C11orf65: variants seen among roughly 807,000 people sequenced by gnomAD.
C11orf65 encodes chromosome 11 open reading frame 65.
A neutral mutation model predicts 35.3 loss-of-function variants in C11orf65; 38 were observed. That is an observed-to-expected ratio of 1.08 (90% CI 0.83 to 1.41). C11orf65 has a LOEUF of 1.41. Ranked by LOEUF, C11orf65 falls within the 40% of genes most tolerant of loss-of-function variation. C11orf65 has a pLI of 0.00. For synonymous variants in C11orf65, 105 were observed against 114.4 expected (o/e 0.92, Z 0.53); for missense variants, 370 against 367.1 (o/e 1.01, Z -0.06).
chr11:108,436,957 C>T (rs2093068425), intron 2 of C11orf65, among the ~76,000 whole-genome samples: 1 of 152,012 alleles, frequency 6.6e-6, no homozygotes, highest in South Asian at 2.1e-4. Flanking sequence ...CACAGGAGGT[C>T]TGGCATCTAA....
rs1308894113 is a variant in C11orf65, at chr11:108,365,409, T to G, written c.226+27799A>C. The stretch of plus-strand genomic sequence containing the variant: ...AACTGAAAGGAGTGGAAGAAGGCAC[T>G]GTGCTCAGTGTTGGTGGACAAGTGA... On this transcript the variant is annotated intron_variant, in intron 2 of 3. Transcript: ENST00000524755. 1 of 1,614,110 alleles carries G rather than the reference T, an allele frequency of 6.2e-7. No individual in the cohort carries two copies. Among genetic ancestry groups the G allele is most frequent in the East Asian group, 2.2e-5 (1 of 44,898 alleles).
chr11:108,366,529 T>A (rs1026443335), intron 2 of C11orf65: 5 of 228,426 alleles, frequency 2.2e-5, no homozygotes, highest in African/African-American at 4.4e-5. Flanking sequence ...GTTCATCCAG[T>A]TTTGTCTTTT....
intron 2 of C11orf65, among the ~76,000 whole-genome samples, chr11:108,451,262 C>T (rs186806571): frequency 6.6e-6 from 1 of 151,962 alleles, no homozygotes; most frequent in Non-Finnish European, 1.5e-5. Flanking sequence ...AAAACCCCAT[C>T]ATCTCAGCCC....
At chr11:108,381,853 T>C (rs188868000), downstream of C11orf65, among the ~76,000 whole-genome samples, 6 of 152,204 alleles carry the variant, frequency 3.9e-5, no homozygotes, top group Non-Finnish European at 8.8e-5. Flanking sequence ...ACTTGATGCA[T>C]TTCTAATTAA....
intron 3 of C11orf65, among the ~76,000 whole-genome samples, chr11:108,409,753 T>C (rs2092621986): frequency 2.0e-5 from 3 of 152,124 alleles, no homozygotes. Flanking sequence ...TCCTGTCAGA[T>C]CAGCAGCAAC....
chr11:108,374,595 G>A (rs1370918187), intron 2 of C11orf65, among the ~76,000 whole-genome samples: 1 of 152,208 alleles, frequency 6.6e-6, no homozygotes, highest in Non-Finnish European at 1.5e-5. Flanking sequence ...CTCCTCCAAA[G>A]GAACGCAGTT....
rs2086449006 is a variant in C11orf65, at chr11:108,333,008, A to G, written c.300-1441T>C. The G allele has an allele frequency of 2.9e-6, 4 of 1,366,844 alleles. No individual in the cohort carries two copies. In the East Asian group the frequency reaches 9.7e-5, roughly 33 times the overall value. 84.7% of individuals were successfully genotyped at this position (1,366,844 alleles called of 1,614,324 possible). ...TAAATCTGCTTAAAATCACAAACGT[A>G]ATCCAAAAGCTTAATTTATATCTGA... is the stretch of plus-strand genomic sequence containing the variant. On this transcript the variant is annotated intron_variant, in intron 3 of 3. Coordinates refer to the C11orf65 transcript ENST00000524755.
chr11:108,326,331 G>T, intron 6 of C11orf65: 1 of 1,390,980 alleles, frequency 7.2e-7, no homozygotes, highest in Non-Finnish European at 9.7e-7. Flanking sequence ...CTTGAAATTA[G>T]TAATTTATTA....
At chr11:108,417,504 G>A (rs1432649246) in intron 3 of C11orf65, among the ~76,000 whole-genome samples, 1 of 151,548 alleles carries the variant, frequency 6.6e-6, no homozygotes, top group Non-Finnish European at 1.5e-5. Flanking sequence ...GATAGATAGT[G>A]CCACTTCACT....
At chr11:108,389,826 C>T (rs1299337619) in intron 7 of C11orf65, among the ~76,000 whole-genome samples, 1 of 151,664 alleles carries the variant, frequency 6.6e-6, no homozygotes, top group Non-Finnish European at 1.5e-5. Context: ...TCCCAAGTAG[C>T]TAGGACTACA....
chr11:108,325,689 C>A, intron 6 of C11orf65: 1 of 798,778 alleles, frequency 1.3e-6, no homozygotes, highest in Non-Finnish European at 1.9e-6. Flanking sequence ...TTAAGAGTTC[C>A]CATTTTGGAA....
At chr11:108,444,966 A>G (rs894848199) in intron 2 of C11orf65, among the ~76,000 whole-genome samples, 15 of 152,172 alleles carry the variant, frequency 9.9e-5, no homozygotes, top group African/African-American at 3.6e-4. Context: ...TATCCCACAC[A>G]TGGCTCGGAG....
chr11:108,410,155 T>A (rs2092628411), intron 3 of C11orf65, among the ~76,000 whole-genome samples: 1 of 152,064 alleles, frequency 6.6e-6, no homozygotes, highest in South Asian at 2.1e-4. Context: ...TTTGTAACAA[T>A]CCCCCCACCA....
At chr11:108,376,204 A>G (rs933193416) in intron 2 of C11orf65, among the ~76,000 whole-genome samples, 55 of 151,500 alleles carry the variant, frequency 3.6e-4, no homozygotes, top group African/African-American at 1.3e-3. Flanking sequence ...CACCACACCT[A>G]TTCCAAAATT....
chr11:108,370,466 C>CT lies in C11orf65; in HGVS notation c.226+22741dup, dbSNP rs61293233. Reference sequence around the variant, plus strand: ...ATCATATTCCAATCTATACTGTTTGCTTTTTTTTTTTCCTTGCCTCATTTT... The same window carrying CT: ...ATCATATTCCAATCTATACTGTTTGCTTTTTTTTTTTTCCTTGCCTCATTTT... On this transcript the variant is annotated intron_variant, in intron 2 of 3. Transcript: ENST00000524755. 7.1e-3 allele frequency among the ~76,000 whole-genome samples: 1,017 copies of CT among 142,994 alleles called. 3 individuals are homozygous for CT. Among genetic ancestry groups the CT allele is most frequent in the African/African-American group, 0.016 (616 of 38,962 alleles). 93.8% of individuals were successfully genotyped at this position (142,994 alleles called of 152,430 possible).
At chr11:108,319,815 T>TA (rs1189807634) in intron 6 of C11orf65, 2 of 653,616 alleles carry the variant, frequency 3.1e-6, no homozygotes, top group Non-Finnish European at 5.3e-6. Flanking sequence ...TTGTATTTCT[T>TA]ACCAAAAATT....
chr11:108,316,219 C>G, intron 6 of C11orf65: 1 of 1,056,762 alleles, frequency 9.5e-7, no homozygotes, highest in Non-Finnish European at 1.4e-6. Context: ...AGAGATAAGA[C>G]TAGAACTTAT....
intron 2 of C11orf65, among the ~76,000 whole-genome samples, chr11:108,342,792 T>G (rs1159304028): frequency 1.3e-5 from 2 of 152,200 alleles, no homozygotes; most frequent in Non-Finnish European, 2.9e-5. Flanking sequence ...ACATGTAATT[T>G]CAATAATGAA....
At chr11:108,367,935 G>A (rs1361553634) in intron 2 of C11orf65, 2 of 205,386 alleles carry the variant, frequency 9.7e-6, no homozygotes, top group Non-Finnish European at 2.0e-5. Flanking sequence ...ATGTCTTTAA[G>A]AAAGCCCTGA....
Sources: allele counts gnomAD v4.1 joint callset (sites outside exome capture counted in the v4.1 genomes callset), GRCh38; gene constraint gnomAD v4.1.1; transcripts MANE v1.5; gene names NCBI Gene and HGNC (gene_info 2026-07-23, HGNC 2026-07-21).